CDH18: variants seen among roughly 807,000 people sequenced by gnomAD.
CDH18 encodes cadherin 18.
CDH18 carries 31 observed loss-of-function variants against 67.9 expected under a neutral mutation model. The observed-to-expected ratio is 0.46, with a 90% CI of 0.34 to 0.62. The LOEUF is 0.62. CDH18 is among the 20% of genes least tolerant of loss of function. The pLI is 0.01. For synonymous variants in CDH18, 362 were observed against 347.2 expected (o/e 1.04, Z -0.48); for missense variants, 890 against 975.5 (o/e 0.91, Z 1.17).
intron 7 of CDH18, among the ~76,000 whole-genome samples, chr5:19,585,005 A>AG (rs1743937664): frequency 6.6e-6 from 1 of 151,190 alleles, no homozygotes; most frequent in Admixed American, 6.6e-5. Flanking sequence ...CAAAAAAAAA[A>AG]AATTCAAGGA....
intron 1 of CDH18, among the ~76,000 whole-genome samples, chr5:20,468,006 G>GTATTTATT (rs59882384): frequency 0.28 from 41,262 of 148,396 alleles, 5,932 homozygotes; most frequent in East Asian, 0.38. Flanking sequence ...ATTTATTTAT[G>GTATTTATT]TATTTATTTA....
chr5:20,506,618 G>C (rs1432470402), intron 1 of CDH18, among the ~76,000 whole-genome samples: 5 of 152,176 alleles, frequency 3.3e-5, no homozygotes, highest in Non-Finnish European at 5.9e-5. Flanking sequence ...TCTGCTTTGA[G>C]ACACTGTAAA....
intron 5 of CDH18, among the ~76,000 whole-genome samples, chr5:19,709,217 G>A (rs1580993234): frequency 6.6e-6 from 1 of 151,946 alleles, no homozygotes; most frequent in South Asian, 2.1e-4. Context: ...AAGGGTTTGG[G>A]GAACTTTCTT....
chr5:20,235,178 A>G (rs1461773346), intron 2 of CDH18, among the ~76,000 whole-genome samples: 1 of 152,096 alleles, frequency 6.6e-6, no homozygotes, highest in African/African-American at 2.4e-5. Flanking sequence ...TAAAAATCAT[A>G]GAAGAAAACC....
intron 5 of CDH18, among the ~76,000 whole-genome samples, chr5:19,714,601 TTTTGTCTG>T (rs1308011042): frequency 6.6e-6 from 1 of 151,982 alleles, no homozygotes; most frequent in African/African-American, 2.4e-5. Context: ...ACCTAACCAT[TTTTGTCTG>T]TTTGTCTGTT....
rs192895336 is a variant in CDH18, at chr5:20,267,042, G to T, written c.-579-11537C>A. On this transcript the variant is annotated intron_variant, in intron 1 of 14. Transcript: ENST00000507958. Reference sequence around the variant, plus strand: ...ATTCAATGTTTGAAGATCAGATATAGATTTGGATATTTTGGTCATACAGAC... The same window carrying T: ...ATTCAATGTTTGAAGATCAGATATATATTTGGATATTTTGGTCATACAGAC... 1.7e-4 allele frequency among the ~76,000 whole-genome samples: 26 copies of T among 152,300 alleles called. No homozygotes were observed. The East Asian group carries it at 5.0e-3, about 29-fold the overall frequency.
At chr5:19,987,251 AC>A (rs1186353989) in intron 1 of CDH18, among the ~76,000 whole-genome samples, 2 of 135,502 alleles carry the variant, frequency 1.5e-5, no homozygotes, top group Non-Finnish European at 3.0e-5. Context: ...ATCTGTACAG[AC>A]AACACACACA....
chr5:19,554,584 C>T (rs961731352), intron 8 of CDH18, among the ~76,000 whole-genome samples: 10 of 149,022 alleles, frequency 6.7e-5, no homozygotes, highest in African/African-American at 9.9e-5. Flanking sequence ...TTGTAAAATT[C>T]GCATGAAATA....
At position 20,292,987 on chromosome 5, in the gene CDH18, T is replaced by G. The variant is rs189714210; in HGVS notation, c.-579-37482A>C. ...CAACATATCTTTTAGGGGACACAAC[T>G]CAACCTATAACAGCTGTTAACTCTT... On this transcript the variant is annotated intron_variant, in intron 1 of 14. Transcript: ENST00000507958. Among the ~76,000 whole-genome samples the G allele has an allele frequency of 7.2e-5, 11 of 152,270 alleles. 1 individual carries two copies. In the East Asian group the frequency reaches 1.9e-3, roughly 27 times the overall value.
At chr5:20,456,947 T>C (rs1186207022) in intron 1 of CDH18, among the ~76,000 whole-genome samples, 1 of 152,206 alleles carries the variant, frequency 6.6e-6, no homozygotes, top group Non-Finnish European at 1.5e-5. Flanking sequence ...TGATTTGTCT[T>C]GACATTTAGA....
chr5:19,741,807 T>C (rs541768345), intron 4 of CDH18, among the ~76,000 whole-genome samples: 1 of 152,128 alleles, frequency 6.6e-6, no homozygotes, highest in Non-Finnish European at 1.5e-5. Flanking sequence ...CAGAGGACAT[T>C]TGGCAATTTC....
At chr5:19,851,364 C>A (rs1783667881) in intron 2 of CDH18, among the ~76,000 whole-genome samples, 1 of 141,412 alleles carries the variant, frequency 7.1e-6, no homozygotes. Context: ...AAAAATTTAC[C>A]AGTTTATGTA....
At chr5:20,342,054 G>A (rs145280488) in intron 1 of CDH18, among the ~76,000 whole-genome samples, 1 of 152,236 alleles carries the variant, frequency 6.6e-6, no homozygotes, top group Non-Finnish European at 1.5e-5. Flanking sequence ...ATTGCCCTGA[G>A]TAAGAGTTTT....
chr5:20,444,047 T>C (rs1223641870), intron 1 of CDH18, among the ~76,000 whole-genome samples: 1 of 151,980 alleles, frequency 6.6e-6, no homozygotes, highest in Admixed American at 6.5e-5. Flanking sequence ...ATGTTTATAT[T>C]ATAATTTGTA....
intron 9 of CDH18, among the ~76,000 whole-genome samples, chr5:19,534,665 G>A (rs903517235): frequency 1.3e-5 from 2 of 151,740 alleles, no homozygotes; most frequent in Non-Finnish European, 2.9e-5. Context: ...AAAAACATTC[G>A]AACAAATTCT....
intron 2 of CDH18, among the ~76,000 whole-genome samples, chr5:20,118,388 T>C (rs1478637108): frequency 6.6e-6 from 1 of 152,168 alleles, no homozygotes; most frequent in African/African-American, 2.4e-5. Context: ...AAGCAATAAT[T>C]ATTGGCAGAT....
intron 1 of CDH18, among the ~76,000 whole-genome samples, chr5:20,349,636 A>T (rs887038935): frequency 2.0e-5 from 3 of 152,152 alleles, no homozygotes; most frequent in Admixed American, 6.6e-5. Flanking sequence ...AGCACAGGGA[A>T]TACACAAAGA....
intron 10 of CDH18, among the ~76,000 whole-genome samples, chr5:19,504,260 T>C (rs17839215): frequency 0.034 from 5,118 of 152,044 alleles, 277 homozygotes; most frequent in African/African-American, 0.12. Flanking sequence ...ACTTCCTCAT[T>C]ATGTTTACTG....
Position 20,183,262 on chromosome 5 carries a change from G to A in CDH18, c.-518+72182C>T, listed in dbSNP as rs554573802. On this transcript the variant is annotated intron_variant, in intron 2 of 14. Coordinates refer to the CDH18 transcript ENST00000507958. Reference sequence around the variant, plus strand: ...ATTTTTAGAAATCAAAATAACCTTAGATTCATGTACACAGAACCGCTTTTT... The same window carrying A: ...ATTTTTAGAAATCAAAATAACCTTAAATTCATGTACACAGAACCGCTTTTT... 1.8e-4 allele frequency among the ~76,000 whole-genome samples: 28 copies of A among 152,166 alleles called. No homozygotes were observed. In the South Asian group the frequency reaches 5.4e-3, roughly 29 times the overall value.
Sources: gnomAD v4.1 joint callset for allele counts (sites outside exome capture counted in the v4.1 genomes callset) on GRCh38, gnomAD v4.1.1 for gene constraint, MANE v1.5 for transcripts, NCBI Gene and HGNC (gene_info 2026-07-23, HGNC 2026-07-21) for gene names.